HDHD2: variants seen among roughly 807,000 people sequenced by gnomAD.
HDHD2 encodes haloacid dehalogenase like hydrolase domain containing 2, also known as haloacid dehalogenase-like hydrolase domain-containing protein 2.
HDHD2 carries 26 observed loss-of-function variants against 24.8 expected under a neutral mutation model. The observed-to-expected ratio is 1.05, with a 90% CI of 0.77 to 1.45. HDHD2 has a LOEUF of 1.45. Among genes scored for constraint, HDHD2 ranks in the 40% most tolerant of loss-of-function variants. The pLI, the probability that HDHD2 is intolerant of heterozygous loss-of-function variation, is 0.00. For missense variants in HDHD2, 299 were observed against 313.4 expected (o/e 0.95, Z 0.35); for synonymous variants, 128 against 114.9 (o/e 1.11, Z -0.73).
At chr18:47,118,086 G>A (rs979512732) in intron 4 of HDHD2, among the ~76,000 whole-genome samples, 3 of 152,034 alleles carry the variant, frequency 2.0e-5, no homozygotes, top group African/African-American at 7.2e-5. Flanking sequence ...TTCCATGTAG[G>A]TGAATAAACA....
At position 47,150,436 on chromosome 18, in the gene HDHD2, G is replaced by C. The variant is rs1488964033; in HGVS notation, c.-69C>G. The stretch of plus-strand genomic sequence containing the variant: ...CCGCTAATGGCAAAGCCAGCCACCC[G>C]CACTGGCCGCGGGTCCTCAGCCGGG... On this transcript the variant is annotated 5_prime_UTR_variant, in exon 1 of 7. Coordinates refer to ENST00000300605, the MANE Select transcript of HDHD2 (RefSeq NM_032124.5). 1 of 152,382 alleles carries C rather than the reference G, an allele frequency of 6.6e-6. No individual in the cohort carries two copies. The highest frequency in any genetic ancestry group is 2.4e-5 in the African/African-American group (1 of 41,472). 9.4% of individuals were successfully genotyped at this position (152,382 alleles called of 1,614,324 possible). A position where few individuals can be genotyped will look rare whatever the true frequency, so the allele number is the denominator to read the frequency against.
At chr18:47,129,035 A>G (rs2063687221) in intron 4 of HDHD2, among the ~76,000 whole-genome samples, 2 of 152,186 alleles carry the variant, frequency 1.3e-5, no homozygotes, top group Admixed American at 1.3e-4. Context: ...GTTAAATACA[A>G]AAACTTTACC....
intron 4 of HDHD2, among the ~76,000 whole-genome samples, chr18:47,128,277 G>C (rs1161391990): frequency 6.6e-6 from 1 of 152,162 alleles, no homozygotes; most frequent in African/African-American, 2.4e-5. Flanking sequence ...TTAAGACAGA[G>C]ACCTCCCAAT....
chr18:47,114,847 A>T (rs2063544467), intron 5 of HDHD2, among the ~76,000 whole-genome samples: 1 of 151,192 alleles, frequency 6.6e-6, no homozygotes, highest in African/African-American at 2.4e-5. Context: ...TATATAATAT[A>T]CAAATATATA....
intron 1 of HDHD2, among the ~76,000 whole-genome samples, chr18:47,143,441 T>C (rs375372701): frequency 8.7e-4 from 132 of 152,190 alleles, no homozygotes; most frequent in Middle Eastern, 3.4e-3. Context: ...AACACACACA[T>C]ATATATATAT....
At position 47,135,562 on chromosome 18, in the gene HDHD2, A is replaced by G. The variant is rs185018143; in HGVS notation, c.101+777T>C. On this transcript the variant is annotated intron_variant, in intron 2 of 6. Coordinates refer to ENST00000300605, the MANE Select transcript of HDHD2 (RefSeq NM_032124.5). ...AGGCGTGAGCCACCGCGCCTGGCCTATGAGTCACTAGATTTTCTGATTAAC... is the reference window on the plus strand; with the variant it reads ...AGGCGTGAGCCACCGCGCCTGGCCTGTGAGTCACTAGATTTTCTGATTAAC... Among the ~76,000 whole-genome samples the G allele has an allele frequency of 2.2e-3, 328 of 152,274 alleles. 1 individual carries two copies. The highest frequency in any genetic ancestry group is 7.7e-3 in the African/African-American group (318 of 41,556).
At chr18:47,126,849 T>G (rs935862848) in intron 4 of HDHD2, among the ~76,000 whole-genome samples, 1 of 151,546 alleles carries the variant, frequency 6.6e-6, no homozygotes, top group African/African-American at 2.4e-5. Context: ...TTCTCAGGAG[T>G]TTTTTAAAAT....
intron 1 of HDHD2, among the ~76,000 whole-genome samples, chr18:47,145,177 T>C (rs988501931): frequency 6.6e-6 from 1 of 152,114 alleles, no homozygotes; most frequent in Non-Finnish European, 1.5e-5. Context: ...AAAAGACAAA[T>C]TGCTTTCAAA....
At chr18:47,142,180 G>C (rs1333956443) in intron 1 of HDHD2, among the ~76,000 whole-genome samples, 3 of 151,836 alleles carry the variant, frequency 2.0e-5, no homozygotes, top group Admixed American at 1.3e-4. Flanking sequence ...CAGATTTTTA[G>C]ATGATTGGGA....
At chr18:47,138,864 A>G (rs1568059743) in intron 1 of HDHD2, among the ~76,000 whole-genome samples, 1 of 152,220 alleles carries the variant, frequency 6.6e-6, no homozygotes, top group Non-Finnish European at 1.5e-5. Flanking sequence ...CACAGGGGTC[A>G]AGAACAATCT....
Position 47,115,120 on chromosome 18 carries a change from T to G in HDHD2, c.612+12A>C. 6.2e-7 allele frequency: 1 copy of G among 1,603,948 alleles called. No individual in the cohort carries two copies. The highest frequency in any genetic ancestry group is 8.5e-7 in the Non-Finnish European group (1 of 1,172,020). ...GGTGAGCTGGGAGCACCTCCTGGGT[T>G]CTTCTACTTACATCTCCTATCATGA... On this transcript the variant is annotated intron_variant, in intron 5 of 6. Coordinates refer to ENST00000300605, the MANE Select transcript of HDHD2 (RefSeq NM_032124.5).
At position 47,108,576 on chromosome 18, in the gene HDHD2, G is replaced by A; in HGVS notation, c.*106C>T. On this transcript the variant is annotated 3_prime_UTR_variant, in exon 7 of 7. Transcript: ENST00000300605. Reference sequence around the variant, plus strand: ...GCACAACAAAAGAGGGTTAAAAAGCGATCAGCACTGACTGGTGTCTACCGA... The same window carrying A: ...GCACAACAAAAGAGGGTTAAAAAGCAATCAGCACTGACTGGTGTCTACCGA... The A allele has an allele frequency of 2.1e-5, 13 of 608,078 alleles. No homozygotes were observed. The highest frequency in any genetic ancestry group is 1.5e-5 in the Non-Finnish European group (5 of 344,564). The allele number at this position is 608,078 out of a possible 1,614,324, so 37.7% of individuals were successfully genotyped here.
intron 1 of HDHD2, among the ~76,000 whole-genome samples, chr18:47,139,241 G>C (rs1385691809): frequency 6.6e-6 from 1 of 151,648 alleles, no homozygotes; most frequent in Non-Finnish European, 1.5e-5. Context: ...GGTGGATCAC[G>C]AGGTCAGGAG....
At chr18:47,145,037 C>A (rs2063855796) in intron 1 of HDHD2, among the ~76,000 whole-genome samples, 1 of 152,126 alleles carries the variant, frequency 6.6e-6, no homozygotes, top group Admixed American at 6.5e-5. Context: ...GGAGAAAACA[C>A]ATGAAAGACT....
Position 47,108,776 on chromosome 18 carries a change from C to A in HDHD2, c.686G>T (p.Arg229Leu), listed in dbSNP as rs779950772. ...LGILVKTGKYRASDEEKINPP... is the reference protein window; with the variant it reads ...LGILVKTGKYLASDEEKINPP... ...ATTAATTTTTTCTTCATCTGATGCTCGATATTTCCCTGAAATGAAAGTAAA... is the reference window on the plus strand; with the variant it reads ...ATTAATTTTTTCTTCATCTGATGCTAGATATTTCCCTGAAATGAAAGTAAA... The change falls in exon 7 of 7, where the codon CGA (arginine) becomes CTA (leucine). Residue 229 changes from arginine to leucine, a missense_variant. By Grantham distance (102) the Arg-to-Leu change is moderately radical (BLOSUM62 -2). Coordinates refer to ENST00000300605, the MANE Select transcript of HDHD2 (RefSeq NM_032124.5). 5.0e-6 allele frequency: 8 copies of A among 1,597,960 alleles called. No individual in the cohort carries two copies. The highest frequency in any genetic ancestry group is 1.1e-5 in the South Asian group (1 of 90,402).
chr18:47,135,768 T>G (rs960493017), intron 2 of HDHD2, among the ~76,000 whole-genome samples: 1 of 152,250 alleles, frequency 6.6e-6, no homozygotes, highest in Non-Finnish European at 1.5e-5. Context: ...TCCGCTTACT[T>G]TAACATACTT....
At position 47,108,604 on chromosome 18, in the gene HDHD2, C is replaced by G. The variant is rs1435443225; in HGVS notation, c.*78G>C. The G allele has an allele frequency of 5.3e-6, 4 of 751,504 alleles. No individual in the cohort carries two copies. The highest frequency in any genetic ancestry group is 9.2e-6 in the Non-Finnish European group (4 of 434,876). 46.6% of individuals were successfully genotyped at this position (751,504 alleles called of 1,614,324 possible). A position where few individuals can be genotyped will look rare whatever the true frequency, so the allele number is the denominator to read the frequency against. ...CAGCACTGACTGGTGTCTACCGATG[C>G]TGGCACTGAGTTGGTAAGGGATTCA... On this transcript the variant is annotated 3_prime_UTR_variant, in exon 7 of 7. Transcript: ENST00000300605.
chr18:47,148,694 T>C (rs1390310054), intron 1 of HDHD2, among the ~76,000 whole-genome samples: 1 of 152,220 alleles, frequency 6.6e-6, no homozygotes, highest in Non-Finnish European at 1.5e-5. Context: ...ATTATGTCAG[T>C]TCTACTTCCT....
chr18:47,131,360 C>T (rs554776899), intron 3 of HDHD2, among the ~76,000 whole-genome samples: 1 of 152,300 alleles, frequency 6.6e-6, no homozygotes, highest in African/African-American at 2.4e-5. Flanking sequence ...TTATTGGCTG[C>T]AGATATCCAG....
Sources: gnomAD v4.1 joint callset for allele counts (sites outside exome capture counted in the v4.1 genomes callset) on GRCh38, gnomAD v4.1.1 for gene constraint, MANE v1.5 for transcripts, NCBI Gene and HGNC (gene_info 2026-07-23, HGNC 2026-07-21) for gene names.